The following DLGAP2 variants were observed in gnomAD, a reference collection of about 807,000 sequenced individuals.
DLGAP2 encodes DLG associated protein 2.
DLGAP2 carries 26 observed loss-of-function variants against 100.3 expected under a neutral mutation model. The ratio of observed to expected loss-of-function variants is 0.26; its 90% CI spans 0.19 to 0.36. The LOEUF is 0.36. DLGAP2 is among the 10% of genes least tolerant of loss of function. The probability of loss-of-function intolerance (pLI) is 1.00; values close to 1 mark genes in which losing one functional copy is unlikely to be tolerated. For missense variants in DLGAP2, 1,858 were observed against 1,453.2 expected (o/e 1.28, Z -4.53); for synonymous variants, 886 against 630.1 (o/e 1.41, Z -6.08).
At chr8:1,361,359 T>G (rs1307030533) in intron 3 of DLGAP2, among the ~76,000 whole-genome samples, 1 of 152,230 alleles carries the variant, frequency 6.6e-6, no homozygotes, top group Non-Finnish European at 1.5e-5. Flanking sequence ...AGATGCTATT[T>G]ATAGGACTTG....
chr8:1,453,876 G>C (rs997376406), intron 3 of DLGAP2, among the ~76,000 whole-genome samples: 1 of 152,224 alleles, frequency 6.6e-6, no homozygotes, highest in African/African-American at 2.4e-5. Flanking sequence ...CATGGAAACT[G>C]GATATTCAGA....
intron 1 of DLGAP2, among the ~76,000 whole-genome samples, chr8:846,602 G>C (rs1282511207): frequency 6.6e-6 from 1 of 152,214 alleles, no homozygotes. Context: ...GAACATGATA[G>C]TGCAGAGATC....
intron 1 of DLGAP2, among the ~76,000 whole-genome samples, chr8:780,966 G>A (rs1821668397): frequency 6.6e-6 from 1 of 152,204 alleles, no homozygotes; most frequent in Non-Finnish European, 1.5e-5. Flanking sequence ...AAGGGAACTA[G>A]CATCTGGCAA....
intron 2 of DLGAP2, among the ~76,000 whole-genome samples, chr8:1,070,490 A>G (rs1452675364): frequency 6.6e-6 from 1 of 152,204 alleles, no homozygotes; most frequent in African/African-American, 2.4e-5. Context: ...TGTGGTGAAA[A>G]CACGTGAAAG....
rs1031198854 is a variant in DLGAP2, at chr8:1,678,637, C to T, written c.2704+8C>T. 6 of 1,523,446 alleles carry T rather than the reference C, an allele frequency of 3.9e-6. No homozygotes were observed. Among genetic ancestry groups the T allele is most frequent in the African/African-American group, 1.4e-5 (1 of 72,630 alleles). 94.4% of individuals were successfully genotyped at this position (1,523,446 alleles called of 1,614,324 possible). On this transcript the variant is annotated splice_region_variant and intron_variant, in intron 12 of 14. Transcript: ENST00000637795. The stretch of plus-strand genomic sequence containing the variant: ...ACGACCTCTCGGAGGAAAGTAAGAG[C>T]TCAGGCTTCCCTAGGGCCTCTTAAA...
intron 6 of DLGAP2, among the ~76,000 whole-genome samples, chr8:1,593,325 G>T (rs1796346474): frequency 6.6e-6 from 1 of 151,864 alleles, no homozygotes; most frequent in African/African-American, 2.4e-5. Context: ...CGTGGTGGCG[G>T]GCGCCTGTAG....
chr8:819,691 A>G (rs1286593625), intron 1 of DLGAP2, among the ~76,000 whole-genome samples: 1 of 152,238 alleles, frequency 6.6e-6, no homozygotes, highest in Non-Finnish European at 1.5e-5. Flanking sequence ...GCATCCTCAG[A>G]AAGAATAAGC....
In DLGAP2 at chr8:1,264,868, T is replaced by A. The variant is rs1356411594; in HGVS notation, c.106+5985T>A. On this transcript the variant is annotated intron_variant, in intron 3 of 14. Coordinates refer to ENST00000637795, the MANE Select transcript of DLGAP2 (RefSeq NM_001346810.2). ...TAATTGAATCATGAGGGTGAGTCTT[T>A]CCCGTGCTGTTCTCGTGATAGTGAA... is the stretch of plus-strand genomic sequence containing the variant. Among the ~76,000 whole-genome samples, 4 of 152,104 alleles carry A rather than the reference T, an allele frequency of 2.6e-5. No individual in the cohort carries two copies. The East Asian group carries it at 7.7e-4, about 29-fold the overall frequency.
chr8:1,024,967 C>T (rs988075171), intron 2 of DLGAP2, among the ~76,000 whole-genome samples: 6 of 152,138 alleles, frequency 3.9e-5, no homozygotes, highest in African/African-American at 7.2e-5. Flanking sequence ...CTCTCCCTTT[C>T]GGGAGCGGCT....
At chr8:1,231,628 C>T (rs918230375) in intron 2 of DLGAP2, among the ~76,000 whole-genome samples, 1 of 152,190 alleles carries the variant, frequency 6.6e-6, no homozygotes, top group Non-Finnish European at 1.5e-5. Flanking sequence ...TGGCTGTGTA[C>T]ACCGTGGGAT....
At chr8:1,455,553 C>A (rs1008035473) in intron 3 of DLGAP2, among the ~76,000 whole-genome samples, 3 of 152,244 alleles carry the variant, frequency 2.0e-5, no homozygotes, top group Admixed American at 1.3e-4. Flanking sequence ...CACACAGAGG[C>A]TTGCCAGGAC....
intron 8 of DLGAP2, among the ~76,000 whole-genome samples, chr8:1,667,111 G>T (rs539690887): frequency 2.0e-5 from 3 of 152,298 alleles, no homozygotes; most frequent in African/African-American, 7.2e-5. Flanking sequence ...TCTGATGAGG[G>T]GAGCAGATTC....
At chr8:1,656,283 C>T (rs1798282986) in intron 8 of DLGAP2, among the ~76,000 whole-genome samples, 1 of 151,526 alleles carries the variant, frequency 6.6e-6, no homozygotes, top group Admixed American at 6.6e-5. Context: ...GCATTCCAGC[C>T]TGGGTGACAG....
chr8:1,557,354 T>A (rs1326919262), intron 5 of DLGAP2, among the ~76,000 whole-genome samples: 1 of 151,918 alleles, frequency 6.6e-6, no homozygotes, highest in Non-Finnish European at 1.5e-5. Flanking sequence ...TCCCTCAGGG[T>A]CCCGGAAAGA....
intron 1 of DLGAP2, among the ~76,000 whole-genome samples, chr8:818,213 T>G (rs1219456503): frequency 6.6e-6 from 1 of 152,096 alleles, no homozygotes; most frequent in Non-Finnish European, 1.5e-5. Context: ...TCCAGGCCAA[T>G]GAAGTTATAT....
chr8:1,471,597 C>G (rs34020885), intron 3 of DLGAP2, among the ~76,000 whole-genome samples: 56,233 of 150,090 alleles, frequency 0.37, 11,257 homozygotes, highest in Non-Finnish European at 0.46. Flanking sequence ...CTAACCTCCT[C>G]TCACCTCCTG....
At chr8:1,110,053 G>A (rs1271089123) in intron 2 of DLGAP2, among the ~76,000 whole-genome samples, 2 of 138,768 alleles carry the variant, frequency 1.4e-5, no homozygotes, top group African/African-American at 2.7e-5. Flanking sequence ...AGTGTGCTGG[G>A]TCTGTGATGT....
At chr8:1,201,062 G>A (rs541984415) in intron 2 of DLGAP2, among the ~76,000 whole-genome samples, 1 of 152,210 alleles carries the variant, frequency 6.6e-6, no homozygotes, top group Non-Finnish European at 1.5e-5. Flanking sequence ...GGCCAGGCGG[G>A]TGCCGAGATG....
chr8:1,223,763 A>G (rs1585166315), intron 2 of DLGAP2, among the ~76,000 whole-genome samples: 1 of 152,190 alleles, frequency 6.6e-6, no homozygotes, highest in African/African-American at 2.4e-5. Context: ...GGGAAGTGGG[A>G]TAATCAACCT....
Sources: gnomAD v4.1 joint callset for allele counts (sites outside exome capture counted in the v4.1 genomes callset) on GRCh38, gnomAD v4.1.1 for gene constraint, MANE v1.5 for transcripts, NCBI Gene and HGNC (gene_info 2026-07-23, HGNC 2026-07-21) for gene names.